CLCA1: variants seen among roughly 807,000 people sequenced by gnomAD.
CLCA1 encodes chloride channel accessory 1, also known as calcium-activated chloride channel regulator 1.
In CLCA1, 59 loss-of-function variants were observed where a neutral mutation model predicts 85.6. The observed-to-expected ratio is 0.69, with a 90% CI of 0.56 to 0.86. The LOEUF is 0.86. Ranked by LOEUF, CLCA1 falls within the 40% of genes least tolerant of loss-of-function variation. The probability of loss-of-function intolerance (pLI) is 0.00; values close to 1 mark genes in which losing one functional copy is unlikely to be tolerated. For missense variants in CLCA1, 1,022 were observed against 1,101.4 expected (o/e 0.93, Z 1.02); for synonymous variants, 396 against 398.3 (o/e 0.99, Z 0.07).
chr1:86,476,599 A>C, intron 4 of CLCA1, 46 bp downstream of exon 4: 3 of 958,620 alleles, frequency 3.1e-6, no homozygotes, highest in Non-Finnish European at 4.9e-6. Context: ...TTTAAATTGC[A>C]ACCTTTTTTT....
Position 86,489,084 on chromosome 1 carries a change from A to C in CLCA1, c.1271A>C (p.Glu424Ala). The change falls in exon 8 of 14, where the codon GAG becomes GCG. Residue 424 changes from glutamate to alanine, a missense_variant. Coordinates refer to ENST00000394711, the MANE Select transcript of CLCA1 (RefSeq NM_001285.4). ...AACACTATAAGTGGGTGCTTTAACG[A>C]GGTCAAACAAAGTGGTGCCATCATC... ...EDNTISGCFN[E>A]VKQSGAIIHT... 6.2e-7 allele frequency: 1 copy of C among 1,614,078 alleles called. No homozygotes were observed. Among genetic ancestry groups the C allele is most frequent in the South Asian group, 1.1e-5 (1 of 91,072 alleles).
intron 1 of CLCA1, 110 bp downstream of exon 1, chr1:86,469,243 C>G (rs1647434710): frequency 1.5e-6 from 1 of 672,648 alleles, no homozygotes; most frequent in South Asian, 2.9e-5. Context: ...ATTTTTATGT[C>G]TAAGTCTCAG....
At chr1:86,496,187 G>C (rs1648278467) in intron 12 of CLCA1, among the ~76,000 whole-genome samples, 1 of 152,240 alleles carries the variant, frequency 6.6e-6, no homozygotes, top group East Asian at 1.9e-4. Context: ...TTTAATAAAG[G>C]TTTTATCATT....
intron 8 of CLCA1, 32 bp from the exon 9 acceptor site, chr1:86,491,233 A>G (rs879158141): frequency 6.5e-7 from 1 of 1,533,690 alleles, no homozygotes; most frequent in Admixed American, 1.7e-5. Context: ...GCTTTCTGGA[A>G]AATAATTTCT....
chr1:86,499,675 T>A lies in CLCA1; in HGVS notation c.2375T>A (p.Ile792Lys). ...HGTAHKYIIR[I>K]STSILDLRDK... Reference sequence around the variant, plus strand: ...TTAGCTCACAAGTATATCATTCGAATAAGTACAAGTATTCTTGATCTCAGA... The same window carrying A: ...TTAGCTCACAAGTATATCATTCGAAAAAGTACAAGTATTCTTGATCTCAGA... The change falls in exon 14 of 14, where the codon ATA becomes AAA. Residue 792 changes from isoleucine to lysine, a missense_variant. Ile to Lys is a moderately radical substitution (Grantham distance 102, BLOSUM62 -3). Coordinates refer to ENST00000394711, the MANE Select transcript of CLCA1 (RefSeq NM_001285.4). 4.4e-6 allele frequency: 7 copies of A among 1,586,088 alleles called. No homozygotes were observed. The highest frequency in any genetic ancestry group is 1.3e-5 in the African/African-American group (1 of 74,190).
intron 5 of CLCA1, 86 bp from the exon 6 acceptor site, chr1:86,485,257 T>G (rs1647931848): frequency 1.0e-6 from 1 of 1,004,912 alleles, no homozygotes; most frequent in South Asian, 1.5e-5. Context: ...AGGTTATGCA[T>G]TAGCAGAGCA....
At chr1:86,476,938 C>A (rs1405204080) in intron 4 of CLCA1, among the ~76,000 whole-genome samples, 1 of 152,152 alleles carries the variant, frequency 6.6e-6, no homozygotes, top group African/African-American at 2.4e-5. Context: ...GAGAAAGGGT[C>A]TTACTCTGTC....
chr1:86,486,834 A>G lies in CLCA1; in HGVS notation c.1182+81A>G, dbSNP rs540776191. The G allele has an allele frequency of 2.4e-5, 30 of 1,257,548 alleles. No homozygotes were observed. The East Asian group carries it at 6.7e-4, about 28-fold the overall frequency. The allele number at this position is 1,257,548 out of a possible 1,614,324, so 77.9% of individuals were successfully genotyped here. On this transcript the variant is annotated intron_variant, in intron 7 of 13. Transcript: ENST00000394711. The stretch of plus-strand genomic sequence containing the variant: ...AAACTTCCATTTCCAGTGTTTCCAT[A>G]CATGCCTAGGGTCCAACTGGATGAG...
At chr1:86,481,320 G>A (rs1055799925) in intron 4 of CLCA1, among the ~76,000 whole-genome samples, 4 of 151,668 alleles carry the variant, frequency 2.6e-5, no homozygotes, top group Admixed American at 2.0e-4. Context: ...TTGTATTTCT[G>A]GTAGAGTTGG....
At chr1:86,479,096 T>C (rs1647751967) in intron 4 of CLCA1, among the ~76,000 whole-genome samples, 1 of 152,214 alleles carries the variant, frequency 6.6e-6, no homozygotes, top group South Asian at 2.1e-4. Flanking sequence ...GAGAAAATCA[T>C]TGTTATGCAG....
chr1:86,494,350 G>A lies in CLCA1; in HGVS notation c.1844G>A (p.Arg615His), dbSNP rs146316532. ...CCTCTGGTAGTTTATGCAAATATTC[G>A]CCAAGGAGCCTCCCCAATTCTCAGG... ...PSPLVVYANI[R>H]QGASPILRAS... Residue 615 changes from arginine (R) to histidine (H), a missense_variant, in exon 11 of 14, where the codon CGC (arginine) becomes CAC (histidine). Arg to His is a conservative substitution (Grantham distance 29, BLOSUM62 0). Transcript: ENST00000394711. 45 of 1,614,102 alleles carry A rather than the reference G, an allele frequency of 2.8e-5. No homozygotes were observed. The East Asian group carries it at 6.0e-4, about 22-fold the overall frequency.
At position 86,494,487 on chromosome 1, in the gene CLCA1, T is replaced by C. The variant is rs752436313; in HGVS notation, c.1942+39T>C. 4.4e-6 allele frequency: 7 copies of C among 1,606,328 alleles called. No homozygotes were observed. The South Asian group carries it at 6.7e-5, about 15-fold the overall frequency. On this transcript the variant is annotated intron_variant, in intron 11 of 13. Coordinates refer to ENST00000394711, the MANE Select transcript of CLCA1 (RefSeq NM_001285.4). ...AAATTGGAAGATATTTATTTCTTTT[T>C]CCAAGAAGCAACCAGGGAATGCCAA...
chr1:86,499,636 C>A lies in CLCA1; in HGVS notation c.2354-18C>A, dbSNP rs1246817910. On this transcript the variant is annotated intron_variant, in intron 13 of 13. Coordinates refer to ENST00000394711, the MANE Select transcript of CLCA1 (RefSeq NM_001285.4). ...AATATTTCAGAATTAAAGTCACATT[C>A]TTCTTTTTTCTTTTTAGCTCACAAG... 2 of 1,474,338 alleles carry A rather than the reference C, an allele frequency of 1.4e-6. No homozygotes were observed. The highest frequency in any genetic ancestry group is 2.3e-5 in the East Asian group (1 of 43,916). The allele number at this position is 1,474,338 out of a possible 1,614,324, so 91.3% of individuals were successfully genotyped here.
At position 86,499,886 on chromosome 1, in the gene CLCA1, A is replaced by G. The variant is rs909394123; in HGVS notation, c.2586A>G (p.Val862=). ...CAGAAATATCCAACATTGCACGAGTATCTTTGTTTATTCCTCCACAGACTC... is the reference window on the plus strand; with the variant it reads ...CAGAAATATCCAACATTGCACGAGTGTCTTTGTTTATTCCTCCACAGACTC... ...LKSEISNIAR[V]SLFIPPQTPP... The change falls in exon 14 of 14, where the codon GTA becomes GTG. Residue 862 remains valine (V), a synonymous_variant. Coordinates refer to ENST00000394711, the MANE Select transcript of CLCA1 (RefSeq NM_001285.4). 8 of 1,613,934 alleles carry G rather than the reference A, an allele frequency of 5.0e-6. No individual in the cohort carries two copies. Among genetic ancestry groups the G allele is most frequent in the Non-Finnish European group, 4.2e-6 (5 of 1,179,910 alleles).
chr1:86,491,258 AT>A lies in CLCA1; in HGVS notation c.1358-3del, dbSNP rs138979389. 1 of 1,596,944 alleles carries A rather than the reference AT, an allele frequency of 6.3e-7. No individual in the cohort carries two copies. Among genetic ancestry groups the A allele is most frequent in the Non-Finnish European group, 8.6e-7 (1 of 1,168,304 alleles). The stretch of plus-strand genomic sequence containing the variant: ...AAATAATTTCTGAAAATGTAATTGC[AT>A]TTTAGGAGGTTTACAGACATATGCT... On this transcript the variant is annotated splice_polypyrimidine_tract_variant and splice_region_variant and intron_variant, in intron 8 of 13. Transcript: ENST00000394711.
chr1:86,498,125 C>T (rs1408046745), intron 12 of CLCA1, among the ~76,000 whole-genome samples: 1 of 139,908 alleles, frequency 7.1e-6, no homozygotes, highest in South Asian at 2.2e-4. Flanking sequence ...ATGACAAGAG[C>T]GAAACTCCAT....
In CLCA1 at chr1:86,468,929, C is replaced by A. The variant is rs146601251; in HGVS notation, c.-43C>A. 3 of 1,532,402 alleles carry A rather than the reference C, an allele frequency of 2.0e-6. No homozygotes were observed. In the East Asian group the frequency reaches 6.8e-5, roughly 35 times the overall value. 94.9% of individuals were successfully genotyped at this position (1,532,402 alleles called of 1,614,324 possible). On this transcript the variant is annotated 5_prime_UTR_variant, in exon 1 of 14. Coordinates refer to ENST00000394711, the MANE Select transcript of CLCA1 (RefSeq NM_001285.4). ...ATGGTAAAGAAAGACACCTTCGTAACCCGCATTTTCCAAAGAGAGAAATCA... is the reference window on the plus strand; with the variant it reads ...ATGGTAAAGAAAGACACCTTCGTAAACCGCATTTTCCAAAGAGAGAAATCA...
intron 3 of CLCA1, among the ~76,000 whole-genome samples, chr1:86,474,105 A>G (rs572219066): frequency 6.6e-6 from 1 of 152,340 alleles, no homozygotes; most frequent in East Asian, 1.9e-4. Flanking sequence ...CGGTATTTTG[A>G]ATTCTCGTAA....
intron 1 of CLCA1, among the ~76,000 whole-genome samples, chr1:86,472,172 G>A (rs1647520823): frequency 6.6e-6 from 1 of 152,060 alleles, no homozygotes; most frequent in Non-Finnish European, 1.5e-5. Context: ...GTTGTTGTCT[G>A]TATTTACTGT....
Sources: gnomAD v4.1 joint callset for allele counts (sites outside exome capture counted in the v4.1 genomes callset) on GRCh38, gnomAD v4.1.1 for gene constraint, MANE v1.5 for transcripts, NCBI Gene and HGNC (gene_info 2026-07-23, HGNC 2026-07-21) for gene names.